The following ICA1 variants were observed in gnomAD, a reference collection of about 807,000 sequenced individuals.
The protein encoded by ICA1 is islet cell autoantigen 1.
Under a neutral mutation model 71.0 loss-of-function variants are expected in ICA1, and 40 were observed. That is an observed-to-expected ratio of 0.56 (90% CI 0.44 to 0.73). The LOEUF (loss-of-function observed/expected upper bound fraction) is 0.73. ICA1 is among the 30% of genes least tolerant of loss of function. The pLI, the probability that ICA1 is intolerant of heterozygous loss-of-function variation, is 0.00. For missense variants in ICA1, 578 were observed against 576.5 expected (o/e 1.00, Z -0.03); for synonymous variants, 207 against 209.5 (o/e 0.99, Z 0.10).
In ICA1 at chr7:8,220,652, T is replaced by TA. The variant is rs3837120; in HGVS notation, c.380+622dup. Among the ~76,000 whole-genome samples the TA allele has an allele frequency of 1.7e-4, 25 of 151,162 alleles. No individual in the cohort carries two copies. The South Asian group carries it at 3.1e-3, about 19-fold the overall frequency. Reference sequence around the variant, plus strand: ...CCATAAAAATGAGTCACGGTTGTGTTAAAAAAAAATGCCACTCATCTACCA... The same window carrying TA: ...CCATAAAAATGAGTCACGGTTGTGTTAAAAAAAAAATGCCACTCATCTACCA... On this transcript the variant is annotated intron_variant, in intron 5 of 13. Coordinates refer to ENST00000402384, the MANE Select transcript of ICA1 (RefSeq NM_001136020.3).
chr7:8,214,040 C>T (rs572022354), intron 6 of ICA1, among the ~76,000 whole-genome samples: 1 of 152,316 alleles, frequency 6.6e-6, no homozygotes, highest in South Asian at 2.1e-4. Context: ...AAATGGCCCT[C>T]ATTAAAACAC....
At chr7:8,248,295 T>G (rs1806835898) in intron 1 of ICA1, among the ~76,000 whole-genome samples, 1 of 152,022 alleles carries the variant, frequency 6.6e-6, no homozygotes, top group South Asian at 2.1e-4. Flanking sequence ...GAGTTGCATA[T>G]CTGAGTCAAT....
At chr7:8,128,646 C>A (rs1241045381) in intron 12 of ICA1, among the ~76,000 whole-genome samples, 6 of 13,322 alleles carry the variant, frequency 4.5e-4, no homozygotes, top group Non-Finnish European at 7.6e-4. Flanking sequence ...GGGAGGATGT[C>A]CAGAGCTCAA....
intron 6 of ICA1, among the ~76,000 whole-genome samples, chr7:8,214,672 CTTAATG>C (rs776728098): frequency 1.7e-4 from 26 of 152,292 alleles, no homozygotes; most frequent in Non-Finnish European, 3.1e-4. Context: ...AATAAATGCT[CTTAATG>C]TTGATGTTGA....
rs920757608 is a variant in ICA1, at chr7:8,234,493, G to C, written c.17+1417C>G. Among the ~76,000 whole-genome samples, 2 of 135,344 alleles carry C rather than the reference G, an allele frequency of 1.5e-5. No individual in the cohort carries two copies. The highest frequency in any genetic ancestry group is 7.6e-5 in the Admixed American group (1 of 13,080). The allele number at this position is 135,344 out of a possible 152,430, so 88.8% of individuals were successfully genotyped here. A position where few individuals can be genotyped will look rare whatever the true frequency, so the allele number is the denominator to read the frequency against. Reference sequence around the variant, plus strand: ...AAATGTGCCAGGCTTGTGCTGAAACGTGAGTTTGTTTATATGACTATATCA... The same window carrying C: ...AAATGTGCCAGGCTTGTGCTGAAACCTGAGTTTGTTTATATGACTATATCA... On this transcript the variant is annotated intron_variant, in intron 2 of 13. Coordinates refer to ENST00000402384, the MANE Select transcript of ICA1 (RefSeq NM_001136020.3). The surrounding 1 kb of genome is among the most constrained non-coding windows in gnomAD (Gnocchi z 4.5).
At chr7:8,228,819 C>T in intron 3 of ICA1, 146 bp from the exon 4 acceptor site, 3 of 457,140 alleles carry the variant, frequency 6.6e-6, no homozygotes, top group Non-Finnish European at 1.2e-5. Flanking sequence ...GTGTACTATA[C>T]AGAAACTGTG....
At chr7:8,221,437 G>C in intron 4 of ICA1, 39 bp from the exon 5 acceptor site, 1 of 1,608,760 alleles carries the variant, frequency 6.2e-7, no homozygotes, top group Non-Finnish European at 8.5e-7. Flanking sequence ...TGAACAATGA[G>C]CATTTTGATT....
In ICA1 at chr7:8,232,615, T is replaced by G; in HGVS notation, c.158A>C (p.Asp53Ala). 1 of 1,612,626 alleles carries G rather than the reference T, an allele frequency of 6.2e-7. No homozygotes were observed. Among genetic ancestry groups the G allele is most frequent in the Non-Finnish European group, 8.5e-7 (1 of 1,179,332 alleles). ...CTCTAGCTTGGCATCCAGGTCCGCG[T>G]CAGAGGCAACAACATGTTCATCTTC... ...KKEDEHVVAS[D>A]ADLDAKLELF... Residue 53 changes from aspartate to alanine, a missense_variant, in exon 3 of 14, where the codon GAC becomes GCC. Transcript: ENST00000402384.
intron 8 of ICA1, 74 bp downstream of exon 8, chr7:8,157,042 A>G (rs768240672): frequency 1.2e-6 from 2 of 1,612,526 alleles, no homozygotes; most frequent in East Asian, 2.2e-5. Context: ...GCTTTCTGCA[A>G]TGGACTTTGC....
chr7:8,181,192 G>T (rs559593569), intron 6 of ICA1, among the ~76,000 whole-genome samples: 2 of 152,184 alleles, frequency 1.3e-5, no homozygotes, highest in South Asian at 2.1e-4. Context: ...CTGGTATTCT[G>T]TATAGATATC....
In ICA1 at chr7:8,138,988, A is replaced by T. The variant is rs1362873361; in HGVS notation, c.1015T>A (p.Ser339Thr). ...LDKGSTHTAC[S>T]GPIDELLDMK... The stretch of plus-strand genomic sequence containing the variant: ...AGTTTTCCTTAATCTAGGTTACCTG[A>T]GCATGCAGTATGTGTAGAGCCTTTG... The change falls in exon 11 of 14, where the codon TCA becomes ACA. Residue 339 changes from serine to threonine, a missense_variant. By Grantham distance (58) the Ser-to-Thr change is moderately conservative. Coordinates refer to ENST00000402384, the MANE Select transcript of ICA1 (RefSeq NM_001136020.3). 3.1e-6 allele frequency: 5 copies of T among 1,612,132 alleles called. No individual in the cohort carries two copies. The East Asian group carries it at 8.9e-5, about 29-fold the overall frequency.
intron 8 of ICA1, among the ~76,000 whole-genome samples, chr7:8,155,475 C>G (rs1475255145): frequency 6.6e-6 from 1 of 152,206 alleles, no homozygotes; most frequent in African/African-American, 2.4e-5. Context: ...TTCTTCCATG[C>G]TTGTGGCACA....
intron 12 of ICA1, among the ~76,000 whole-genome samples, chr7:8,129,487 AAATCAG>A (rs1790624024): frequency 6.6e-6 from 1 of 152,114 alleles, no homozygotes; most frequent in African/African-American, 2.4e-5. Flanking sequence ...GACAGGCTAT[AAATCAG>A]GGAGGGGAAG....
intron 12 of ICA1, among the ~76,000 whole-genome samples, chr7:8,135,201 A>G (rs1203539831): frequency 1.3e-5 from 2 of 151,888 alleles, no homozygotes; most frequent in African/African-American, 4.8e-5. Flanking sequence ...TAATTTTTGG[A>G]TTTTTAGTAG....
rs1796232921 is a variant in ICA1, at chr7:8,144,483, A to C, written c.805-511T>G. 1.3e-5 allele frequency among the ~76,000 whole-genome samples: 2 copies of C among 152,240 alleles called. No individual in the cohort carries two copies. Among genetic ancestry groups the C allele is most frequent in the South Asian group, 4.1e-4 (2 of 4,824 alleles). On this transcript the variant is annotated intron_variant, in intron 8 of 13. Transcript: ENST00000402384. The surrounding 1 kb of genome is among the most constrained non-coding windows in gnomAD (Gnocchi z 4.5). ...AGAAAACAAAACCTTTTCTTAAAAA[A>C]CCAAAAATAGTGGCTTAACATATTC... is the stretch of plus-strand genomic sequence containing the variant.
intron 6 of ICA1, among the ~76,000 whole-genome samples, chr7:8,206,806 A>G (rs951487993): frequency 2.6e-5 from 4 of 151,420 alleles, no homozygotes; most frequent in Non-Finnish European, 4.4e-5. Flanking sequence ...CTATTTTCTC[A>G]GCTTCCTTAT....
At chr7:8,236,107 T>C (rs890415226) in intron 1 of ICA1, 102 bp from the exon 2 acceptor site, 2 of 624,256 alleles carry the variant, frequency 3.2e-6, no homozygotes, top group Non-Finnish European at 5.6e-6. Flanking sequence ...TCTAGCTGTA[T>C]TTTAGGGTCT....
At position 8,241,405 on chromosome 7, in the gene ICA1, T is replaced by A. The variant is rs559228320; in HGVS notation, c.-79-5400A>T. Reference sequence around the variant, plus strand: ...ACCACCAGGTCTACCTTACAAGAGCTCCTGAAGGAAGCACTAAACATGGAA... The same window carrying A: ...ACCACCAGGTCTACCTTACAAGAGCACCTGAAGGAAGCACTAAACATGGAA... On this transcript the variant is annotated intron_variant, in intron 1 of 13. Transcript: ENST00000402384. Among the ~76,000 whole-genome samples, 3 of 152,124 alleles carry A rather than the reference T, an allele frequency of 2.0e-5. No homozygotes were observed. The South Asian group carries it at 6.2e-4, about 32-fold the overall frequency.
At chr7:8,216,350 C>T (rs561297802) in intron 6 of ICA1, among the ~76,000 whole-genome samples, 92 of 152,264 alleles carry the variant, frequency 6.0e-4, no homozygotes, top group South Asian at 3.7e-3. Context: ...AAAAAAGATT[C>T]TAAGTACACC....
Sources: allele counts gnomAD v4.1 joint callset (sites outside exome capture counted in the v4.1 genomes callset), GRCh38; gene constraint gnomAD v4.1.1; non-coding constraint Gnocchi (gnomAD v3.1); transcripts MANE v1.5; gene names NCBI Gene and HGNC (gene_info 2026-07-23, HGNC 2026-07-21).